Variants in LARP4B observed in about 807,000 individuals in gnomAD.
LARP4B encodes the protein la-related protein 4B.
In LARP4B, 12 loss-of-function variants were observed where a neutral mutation model predicts 89.8. The observed-to-expected ratio is 0.13, with a 90% CI of 0.09 to 0.22. The LOEUF (loss-of-function observed/expected upper bound fraction) is 0.22, where lower values mean the gene tolerates loss of function less well. Among genes scored for constraint, LARP4B ranks in the 10% least tolerant of loss-of-function variants. The probability of loss-of-function intolerance (pLI) is 1.00; values close to 1 mark genes in which losing one functional copy is unlikely to be tolerated. For missense variants in LARP4B, 757 were observed against 947.7 expected (o/e 0.80, Z 2.64); for synonymous variants, 367 against 363.3 (o/e 1.01, Z -0.12).
At chr10:877,766 C>T (rs1835515589) in intron 3 of LARP4B, among the ~76,000 whole-genome samples, 1 of 152,176 alleles carries the variant, frequency 6.6e-6, no homozygotes, top group African/African-American at 2.4e-5. Flanking sequence ...TTCTTTTACA[C>T]TGGAGACATT....
the LARP4B span, among the ~76,000 whole-genome samples, chr10:982,312 G>A: frequency 2.7e-4 from 41 of 151,970 alleles, 1 homozygote; most frequent in Admixed American, 2.1e-3. Flanking sequence ...GGCTGGTCTC[G>A]AACTCCTGAC....
intron 15 of LARP4B, among the ~76,000 whole-genome samples, chr10:817,243 C>A (rs1447924382): frequency 6.6e-6 from 1 of 152,216 alleles, no homozygotes; most frequent in Non-Finnish European, 1.5e-5. Flanking sequence ...ATGATATTCA[C>A]TGCAGTGGAG....
intron 1 of LARP4B, among the ~76,000 whole-genome samples, chr10:929,816 G>A (rs1837251444): frequency 1.3e-5 from 2 of 151,946 alleles, no homozygotes; most frequent in Non-Finnish European, 2.9e-5. Context: ...CAAAATACCG[G>A]ATAAAATTTA....
intron 3 of LARP4B, among the ~76,000 whole-genome samples, chr10:883,843 G>GT (rs1554804055): frequency 7.3e-5 from 11 of 151,250 alleles, no homozygotes; most frequent in African/African-American, 1.2e-4. Flanking sequence ...AATGGGGGGG[G>GT]AATAGATGAG....
intron 1 of LARP4B, among the ~76,000 whole-genome samples, chr10:888,200 G>T (rs958197486): frequency 8.6e-5 from 13 of 151,918 alleles, no homozygotes; most frequent in South Asian, 8.3e-4. Flanking sequence ...CATGCCTGGA[G>T]TCCCAGCTAT....
At chr10:823,060 C>G (rs901078137) in intron 13 of LARP4B, among the ~76,000 whole-genome samples, 1 of 152,248 alleles carries the variant, frequency 6.6e-6, no homozygotes, top group Non-Finnish European at 1.5e-5. Flanking sequence ...CCCTGCAAAA[C>G]AGCACAAGCT....
the LARP4B span, chr10:986,286 C>G: frequency 6.6e-6 from 1 of 152,210 alleles, no homozygotes; most frequent in Non-Finnish European, 1.5e-5. Context: ...TGAGAAGTAC[C>G]TTTCTGTCAC....
intron 13 of LARP4B, among the ~76,000 whole-genome samples, chr10:823,099 T>C (rs768899424): frequency 5.9e-5 from 9 of 151,752 alleles, no homozygotes; most frequent in Non-Finnish European, 1.2e-4. Context: ...AAGGAGGAGG[T>C]TACGAAGGTC....
intron 1 of LARP4B, among the ~76,000 whole-genome samples, chr10:931,169 G>A (rs1338134113): frequency 2.0e-5 from 3 of 149,024 alleles, no homozygotes; most frequent in Non-Finnish European, 4.5e-5. Context: ...CCCTGCCCCG[G>A]CCCCGGTCCT....
intron 13 of LARP4B, among the ~76,000 whole-genome samples, chr10:824,765 G>A (rs1001998917): frequency 6.6e-6 from 1 of 152,232 alleles, no homozygotes; most frequent in Admixed American, 6.5e-5. Flanking sequence ...AGAGGGGCCT[G>A]GTGAGCCAGG....
At chr10:868,437 G>C (rs899594032) in intron 3 of LARP4B, among the ~76,000 whole-genome samples, 1 of 149,672 alleles carries the variant, frequency 6.7e-6, no homozygotes, top group Non-Finnish European at 1.5e-5. Flanking sequence ...AGCTCTGAAA[G>C]GCAAGGCACC....
the LARP4B span, among the ~76,000 whole-genome samples, chr10:968,090 G>A: frequency 1.3e-5 from 2 of 152,132 alleles, no homozygotes; most frequent in East Asian, 3.9e-4. Flanking sequence ...GTCAAGCAGA[G>A]GCTTCTAGAA....
intron 11 of LARP4B, among the ~76,000 whole-genome samples, chr10:827,215 G>C (rs557158045): frequency 6.6e-6 from 1 of 152,226 alleles, no homozygotes; most frequent in East Asian, 1.9e-4. Context: ...GGCGGAGCTT[G>C]CAGTGAGCCA....
At chr10:912,984 A>C (rs1226484889) in intron 1 of LARP4B, among the ~76,000 whole-genome samples, 1 of 152,236 alleles carries the variant, frequency 6.6e-6, no homozygotes, top group Non-Finnish European at 1.5e-5. Context: ...ATAAACTTTT[A>C]CAATGAAAAA....
intron 1 of LARP4B, among the ~76,000 whole-genome samples, chr10:914,688 G>A (rs1049054033): frequency 4.0e-5 from 6 of 149,998 alleles, no homozygotes; most frequent in Admixed American, 2.7e-4. Flanking sequence ...CCAGCCACTC[G>A]AGAGGCTGAG....
intron 1 of LARP4B, among the ~76,000 whole-genome samples, chr10:895,900 C>T (rs904681069): frequency 6.6e-6 from 1 of 152,094 alleles, no homozygotes; most frequent in African/African-American, 2.4e-5. Flanking sequence ...ACTTCATCTC[C>T]CAGAGTCTCA....
chr10:952,155 G>A, the LARP4B span, among the ~76,000 whole-genome samples: 1 of 151,644 alleles, frequency 6.6e-6, no homozygotes, highest in Non-Finnish European at 1.5e-5. Flanking sequence ...TGGCTAACAC[G>A]GTGAAACCCC....
the LARP4B span, among the ~76,000 whole-genome samples, chr10:970,170 A>G: frequency 0.17 from 26,393 of 152,240 alleles, 2,606 homozygotes; most frequent in East Asian, 0.3. Flanking sequence ...TTGCATGCCT[A>G]TACTTATGGA....
chr10:829,921 C>T (rs962538642), intron 9 of LARP4B, among the ~76,000 whole-genome samples, 187 bp from the exon 10 acceptor site: 9 of 152,142 alleles, frequency 5.9e-5, no homozygotes, highest in Non-Finnish European at 8.8e-5. Context: ...AGCTATGGAA[C>T]GTGTACCCCA....
Sources: gnomAD v4.1 joint callset for allele counts (sites outside exome capture counted in the v4.1 genomes callset) on GRCh38, gnomAD v4.1.1 for gene constraint, MANE v1.5 for transcripts, NCBI Gene and HGNC (gene_info 2026-07-23, HGNC 2026-07-21) for gene names.